The following CHD6 variants were observed in gnomAD, a reference collection of about 807,000 sequenced individuals.
CHD6 encodes chromodomain helicase DNA binding protein 6, also known as ATP-dependent chromatin remodeler CHD6.
In CHD6, 50 loss-of-function variants were observed where a neutral mutation model predicts 276.9. The observed-to-expected ratio is 0.18, with a 90% confidence interval of 0.14 to 0.23. The LOEUF (loss-of-function observed/expected upper bound fraction) is 0.23, where lower values mean the gene tolerates loss of function less well. Among genes scored for constraint, CHD6 ranks in the 10% least tolerant of loss-of-function variants. The pLI is 1.00. For synonymous variants in CHD6, 1,173 were observed against 1,229.3 expected, an observed-to-expected ratio of 0.95 and a Z score of 0.96; for missense variants, 2,564 against 3,365.8, an observed-to-expected ratio of 0.76 and a Z score of 5.89.
At chr20:41,489,716 T>C (rs770140289) in intron 12 of CHD6, 62 bp downstream of exon 12, 40 of 1,601,938 alleles carry the variant, frequency 2.5e-5, no homozygotes, top group African/African-American at 4.0e-5. Flanking sequence ...TGAAGATAAG[T>C]GACAGAAAGG....
In CHD6 at chr20:41,580,272, T is replaced by G. The variant is rs113374041; in HGVS notation, c.-23-28912A>C. On this transcript the variant is annotated intron_variant, in intron 1 of 36. Coordinates refer to ENST00000373233, the MANE Select transcript of CHD6 (RefSeq NM_032221.5). ...ATCCTTTCTTGTTGGGTAAAGAAAA[T>G]AGTGAATCCAAAATATTGTACCTTA... 9.2e-5 allele frequency among the ~76,000 whole-genome samples: 14 copies of G among 152,210 alleles called. 3 individuals are homozygous for G. The highest frequency in any genetic ancestry group is 3.4e-4 in the African/African-American group (14 of 41,544).
chr20:41,404,665 C>A lies in CHD6; in HGVS notation c.8076G>T (p.Leu2692Phe). ...DENCAEPSAP[L>F]PAEREHGAQA... ...GTGCCCCATGTTCTCTCTCTGCGGG[C>A]AAAGGGGCACTGGGTTCGGCACAGT... The change falls in exon 37 of 37, where the codon TTG becomes TTT. Residue 2692 changes from leucine to phenylalanine, a missense_variant. This residue lies in a region of CHD6 where 238 missense variants were observed against 266.0 expected (regional missense o/e 0.89). Coordinates refer to ENST00000373233, the MANE Select transcript of CHD6 (RefSeq NM_032221.5). 6.5e-7 allele frequency: 1 copy of A among 1,544,280 alleles called. No homozygotes were observed.
rs2046650095 is a variant in CHD6, at chr20:41,405,495, A to G, written c.7252-6T>C. ...TTGTTTTCTGGAAGAAACCCCTGGA[A>G]AAACAAAGAAACACAAAATGCTGAA... On this transcript the variant is annotated splice_region_variant and splice_polypyrimidine_tract_variant and intron_variant, in intron 36 of 36. Transcript: ENST00000373233. 6.5e-7 allele frequency: 1 copy of G among 1,540,482 alleles called. No individual in the cohort carries two copies. The highest frequency in any genetic ancestry group is 8.7e-7 in the Non-Finnish European group (1 of 1,145,946).
Position 41,497,444 on chromosome 20 carries a change from G to A in CHD6, c.1032C>T (p.Ile344=), listed in dbSNP as rs766329388. ...TMEELEKDPR[I]AQKIKRFRNK... is the part of the protein sequence containing the mutation. ...TCCTAAATCGCTTGATCTTCTGTGCGATGCGAGGATCCTTTTCGAGCTCTT... is the reference window on the plus strand; with the variant it reads ...TCCTAAATCGCTTGATCTTCTGTGCAATGCGAGGATCCTTTTCGAGCTCTT... Residue 344 remains isoleucine (I), a synonymous_variant, in exon 8 of 37, where the codon ATC becomes ATT. Coordinates refer to ENST00000373233, the MANE Select transcript of CHD6 (RefSeq NM_032221.5). The A allele has an allele frequency of 6.8e-6, 11 of 1,613,894 alleles. No individual in the cohort carries two copies. Among genetic ancestry groups the A allele is most frequent in the South Asian group, 2.2e-5 (2 of 91,082 alleles).
At chr20:41,604,650 A>G (rs980835334) in intron 1 of CHD6, among the ~76,000 whole-genome samples, 1 of 152,162 alleles carries the variant, frequency 6.6e-6, no homozygotes, top group Non-Finnish European at 1.5e-5. Flanking sequence ...GGAAGATTTG[A>G]ACAAACACGT....
At chr20:41,566,264 C>T (rs900221279) in intron 1 of CHD6, among the ~76,000 whole-genome samples, 2 of 152,126 alleles carry the variant, frequency 1.3e-5, no homozygotes, top group African/African-American at 4.8e-5. Flanking sequence ...ATGCCATGTA[C>T]TCTCCCTGAC....
At chr20:41,546,593 G>T (rs2045047606) in intron 2 of CHD6, among the ~76,000 whole-genome samples, 1 of 152,064 alleles carries the variant, frequency 6.6e-6, no homozygotes, top group South Asian at 2.1e-4. Context: ...CTATATCATT[G>T]TTTCGTTGTT....
intron 17 of CHD6, among the ~76,000 whole-genome samples, chr20:41,471,504 A>G (rs1355298326): frequency 6.6e-6 from 1 of 151,458 alleles, no homozygotes; most frequent in Non-Finnish European, 1.5e-5. Flanking sequence ...TGTTGAACAT[A>G]GTTTACTTTA....
chr20:41,549,436 T>C (rs2045109403), intron 2 of CHD6, among the ~76,000 whole-genome samples: 1 of 135,830 alleles, frequency 7.4e-6, no homozygotes, highest in African/African-American at 2.8e-5. Flanking sequence ...AGGTGGGAAC[T>C]GAACAATGAG....
At chr20:41,522,686 A>G (rs931474562) in intron 3 of CHD6, among the ~76,000 whole-genome samples, 1 of 151,894 alleles carries the variant, frequency 6.6e-6, no homozygotes, top group Non-Finnish European at 1.5e-5. Flanking sequence ...ATAGATATTT[A>G]TTGAAATAAG....
intron 2 of CHD6, among the ~76,000 whole-genome samples, chr20:41,543,191 T>C (rs1321766287): frequency 6.6e-6 from 1 of 152,092 alleles, no homozygotes; most frequent in Non-Finnish European, 1.5e-5. Context: ...TTATTAAATG[T>C]ATCACCAAAA....
intron 1 of CHD6, among the ~76,000 whole-genome samples, chr20:41,584,826 A>G (rs1199660483): frequency 6.6e-6 from 1 of 152,210 alleles, no homozygotes; most frequent in Admixed American, 6.5e-5. Context: ...AAAAGTTTAT[A>G]GCATTAAAGC....
At position 41,402,639 on chromosome 20, in the gene CHD6, A is replaced by G. The variant is rs959059042; in HGVS notation, c.*1954T>C. The G allele has an allele frequency of 4.5e-6, 1 of 220,082 alleles. No individual in the cohort carries two copies. The highest frequency in any genetic ancestry group is 9.1e-6 in the Non-Finnish European group (1 of 110,130). The allele number at this position is 220,082 out of a possible 1,614,324, so 13.6% of individuals were successfully genotyped here. On this transcript the variant is annotated 3_prime_UTR_variant, in exon 37 of 37. Transcript: ENST00000373233. ...TATTTTAAGGATTTAGGGCAAATAC[A>G]TTTTTTTTTCTACTTGATAAAAAGA...
chr20:41,469,314 T>C (rs557557154), intron 17 of CHD6, among the ~76,000 whole-genome samples: 1 of 152,286 alleles, frequency 6.6e-6, no homozygotes, highest in South Asian at 2.1e-4. Context: ...GTTGTTATCT[T>C]GAACCCTCTT....
At chr20:41,508,312 G>A (rs1434078785) in intron 5 of CHD6, among the ~76,000 whole-genome samples, 2 of 152,050 alleles carry the variant, frequency 1.3e-5, no homozygotes, top group Admixed American at 6.6e-5. Flanking sequence ...CAGGTAGTGT[G>A]TAGCCACATC....
chr20:41,577,865 G>A (rs2045491620), intron 1 of CHD6, among the ~76,000 whole-genome samples: 1 of 152,156 alleles, frequency 6.6e-6, no homozygotes, highest in Admixed American at 6.5e-5. Flanking sequence ...CACAGCCAGA[G>A]CAAATCACTT....
At chr20:41,446,399 C>T (rs570420321) in intron 24 of CHD6, among the ~76,000 whole-genome samples, 1 of 151,870 alleles carries the variant, frequency 6.6e-6, no homozygotes, top group Admixed American at 6.5e-5. Flanking sequence ...ATAACTCACC[C>T]CAGGGCACAG....
At chr20:41,572,366 C>T (rs555022909) in intron 1 of CHD6, among the ~76,000 whole-genome samples, 56 of 152,250 alleles carry the variant, frequency 3.7e-4, no homozygotes, top group African/African-American at 1.3e-3. Context: ...AGCACATGGT[C>T]CCTCAGTGAC....
At position 41,403,669 on chromosome 20, in the gene CHD6, G is replaced by A. The variant is rs41278106; in HGVS notation, c.*924C>T. On this transcript the variant is annotated 3_prime_UTR_variant, in exon 37 of 37. Coordinates refer to ENST00000373233, the MANE Select transcript of CHD6 (RefSeq NM_032221.5). ...GGCTCCAGAAAGAACCTTATTCTTGGTGAAGGAAAGCCTGAAGTGAAAATC... is the reference window on the plus strand; with the variant it reads ...GGCTCCAGAAAGAACCTTATTCTTGATGAAGGAAAGCCTGAAGTGAAAATC... 62,535 of 1,060,090 alleles carry A rather than the reference G, an allele frequency of 0.059. 2,019 individuals carry two copies. The highest frequency in any genetic ancestry group is 0.071 in the African/African-American group (4,313 of 60,826). 65.7% of individuals were successfully genotyped at this position (1,060,090 alleles called of 1,614,324 possible). A position where few individuals can be genotyped will look rare whatever the true frequency, so the allele number is the denominator to read the frequency against.
Sources: allele counts gnomAD v4.1 joint callset (sites outside exome capture counted in the v4.1 genomes callset), GRCh38; gene constraint gnomAD v4.1.1; regional missense constraint gnomAD v4.1.1; transcripts MANE v1.5; gene names NCBI Gene and HGNC (gene_info 2026-07-23, HGNC 2026-07-21).